The following EPM2A variants were observed in gnomAD, a reference collection of about 807,000 sequenced individuals.
EPM2A encodes the protein laforin.
In EPM2A, 21 loss-of-function variants were observed where a neutral mutation model predicts 26.5. That is an observed-to-expected ratio of 0.79 (90% CI 0.56 to 1.14). EPM2A has a LOEUF of 1.14. Ranked by LOEUF, EPM2A falls within the 50% of genes most tolerant of loss-of-function variation. The probability of loss-of-function intolerance (pLI) is 0.00; values close to 1 mark genes in which losing one functional copy is unlikely to be tolerated. For missense variants in EPM2A, 458 were observed against 440.8 expected, an observed-to-expected ratio of 1.04 and a Z score of -0.35; for synonymous variants, 217 against 177.6, an observed-to-expected ratio of 1.22 and a Z score of -1.76.
chr6:145,554,975 A>G (rs576421770), intron 2 of EPM2A, among the ~76,000 whole-genome samples: 1 of 152,208 alleles, frequency 6.6e-6, no homozygotes, highest in African/African-American at 2.4e-5. Context: ...GATTTGATGA[A>G]GACCACTCAC....
At chr6:145,536,704 G>A (rs1161509428) in intron 2 of EPM2A, among the ~76,000 whole-genome samples, 1 of 152,206 alleles carries the variant, frequency 6.6e-6, no homozygotes, top group Non-Finnish European at 1.5e-5. Context: ...TCTCCCCTGA[G>A]AGTGGGCAAG....
upstream of EPM2A, chr6:145,735,594 G>GT: frequency 9.2e-7 from 1 of 1,083,668 alleles, no homozygotes; most frequent in Non-Finnish European, 1.1e-6. Context: ...GGGCGGTGGT[G>GT]TGGGAGCCCC....
intron 2 of EPM2A, chr6:145,682,371 G>A (rs1215698896): frequency 6.6e-6 from 1 of 152,146 alleles, no homozygotes; most frequent in East Asian, 1.9e-4. Flanking sequence ...CGAGATTTGG[G>A]TCGGGACACA....
intron 2 of EPM2A, chr6:145,639,593 A>G (rs1350197925): frequency 6.6e-6 from 1 of 152,200 alleles, no homozygotes; most frequent in East Asian, 1.9e-4. Flanking sequence ...TCTTTTTTAA[A>G]TATCAGTAAA....
rs1051405169 is a variant in EPM2A, at chr6:145,627,251, C to T, written c.*165G>A. 2 of 1,526,264 alleles carry T rather than the reference C, an allele frequency of 1.3e-6. No individual in the cohort carries two copies. The allele number at this position is 1,526,264 out of a possible 1,614,324, so 94.5% of individuals were successfully genotyped here. A position where few individuals can be genotyped will look rare whatever the true frequency, so the allele number is the denominator to read the frequency against. Reference sequence around the variant, plus strand: ...TGTAGAGTATTTCAAAAATACAGCCCCAAAACAAAGCATAATCGAAAGTCA... The same window carrying T: ...TGTAGAGTATTTCAAAAATACAGCCTCAAAACAAAGCATAATCGAAAGTCA... On this transcript the variant is annotated 3_prime_UTR_variant, in exon 4 of 4. Coordinates refer to ENST00000367519, the MANE Select transcript of EPM2A (RefSeq NM_005670.4).
At chr6:145,490,602 T>C (rs1307486884) in intron 4 of EPM2A, 2 of 675,778 alleles carry the variant, frequency 3.0e-6, no homozygotes, top group Middle Eastern at 5.4e-4. Context: ...TTAGGTGCTG[T>C]TTCCATGTGC....
chr6:145,463,928 G>A (rs1489622207), intron 4 of EPM2A, among the ~76,000 whole-genome samples: 1 of 152,106 alleles, frequency 6.6e-6, no homozygotes, highest in African/African-American at 2.4e-5. Flanking sequence ...CACCTGGCAG[G>A]GGAAGGACCT....
intron 2 of EPM2A, among the ~76,000 whole-genome samples, chr6:145,512,691 A>G (rs1780071356): frequency 2.1e-5 from 3 of 141,278 alleles, no homozygotes; most frequent in Non-Finnish European, 3.0e-5. Flanking sequence ...AGCCCGGGCA[A>G]CAGAGCGAGA....
chr6:145,730,929 C>T (rs1404539692), intron 1 of EPM2A, among the ~76,000 whole-genome samples: 1 of 152,166 alleles, frequency 6.6e-6, no homozygotes, highest in Admixed American at 6.5e-5. Flanking sequence ...CCTTCAACCC[C>T]TTCCCATCAC....
intron 4 of EPM2A, among the ~76,000 whole-genome samples, chr6:145,392,026 G>A (rs1256134468): frequency 1.3e-5 from 2 of 152,088 alleles, no homozygotes; most frequent in Non-Finnish European, 2.9e-5. Flanking sequence ...ATAGCCTCTG[G>A]TCAGCCACCA....
Position 145,735,205 on chromosome 6 carries a change from G to A in EPM2A, c.294C>T (p.Ser98=). 1 of 1,523,606 alleles carries A rather than the reference G, an allele frequency of 6.6e-7. No homozygotes were observed. 94.4% of individuals were successfully genotyped at this position (1,523,606 alleles called of 1,614,324 possible). Residue 98 remains serine (S), a synonymous_variant, in exon 1 of 4, where the codon TCC becomes TCT. Transcript: ENST00000367519. The stretch of plus-strand genomic sequence containing the variant: ...GGCGTCTGCTGGCAATACCTTCCCA[G>A]GAGAGCTCTCCTCCCGGCTCCCGCT... ...FLKREPGGEL[S]WEGNGPHHDR...
chr6:145,626,919 C>A lies in EPM2A; in HGVS notation c.*497G>T. 1 of 1,002,104 alleles carries A rather than the reference C, an allele frequency of 1.0e-6. No individual in the cohort carries two copies. Among genetic ancestry groups the A allele is most frequent in the Non-Finnish European group, 1.2e-6 (1 of 838,950 alleles). 62.1% of individuals were successfully genotyped at this position (1,002,104 alleles called of 1,614,324 possible). On this transcript the variant is annotated 3_prime_UTR_variant, in exon 4 of 4. Coordinates refer to ENST00000367519, the MANE Select transcript of EPM2A (RefSeq NM_005670.4). ...AGTCCTGAAAGCCATCACTTTTTGA[C>A]CATAGTGAGCTCTTCTTTTGTAACG...
At chr6:145,716,903 T>G (rs1325762448) in intron 1 of EPM2A, among the ~76,000 whole-genome samples, 1 of 152,180 alleles carries the variant, frequency 6.6e-6, no homozygotes, top group Non-Finnish European at 1.5e-5. Context: ...TTTATTCCCA[T>G]AATTGCAACA....
At chr6:145,648,087 T>C (rs1232849688) in intron 2 of EPM2A, among the ~76,000 whole-genome samples, 2 of 152,228 alleles carry the variant, frequency 1.3e-5, no homozygotes, top group Non-Finnish European at 2.9e-5. Context: ...TGTGTTCTCA[T>C]AGATGGTCTA....
intron 2 of EPM2A, among the ~76,000 whole-genome samples, chr6:145,551,406 C>G (rs1780653937): frequency 6.6e-6 from 1 of 151,736 alleles, no homozygotes; most frequent in Non-Finnish European, 1.5e-5. Flanking sequence ...ACACAGGAAG[C>G]AGTAGAAAAA....
chr6:145,730,552 A>G (rs995768378), intron 1 of EPM2A, among the ~76,000 whole-genome samples: 1 of 152,230 alleles, frequency 6.6e-6, no homozygotes, highest in Non-Finnish European at 1.5e-5. Context: ...ATCTTGAGAA[A>G]ATAAAGCCAA....
chr6:145,550,552 T>A (rs1228123014), intron 2 of EPM2A, among the ~76,000 whole-genome samples: 1 of 151,938 alleles, frequency 6.6e-6, no homozygotes, highest in Admixed American at 6.6e-5. Context: ...ACTTTCAACC[T>A]CCAAATCAAG....
chr6:145,520,758 T>C (rs181195822), intron 2 of EPM2A, among the ~76,000 whole-genome samples: 3 of 151,406 alleles, frequency 2.0e-5, no homozygotes, highest in Admixed American at 1.3e-4. Flanking sequence ...CCAGGAAAAA[T>C]AGAACAAATT....
rs1016869202 is a variant in EPM2A at position 145,677,766 on chromosome 6, A to G, written c.476+8356T>C. Among the ~76,000 whole-genome samples, 5 of 152,222 alleles carry G rather than the reference A, an allele frequency of 3.3e-5. No individual in the cohort carries two copies. The East Asian group carries it at 7.7e-4, about 23-fold the overall frequency. On this transcript the variant is annotated intron_variant, in intron 2 of 3. Coordinates refer to ENST00000367519, the MANE Select transcript of EPM2A (RefSeq NM_005670.4). The stretch of plus-strand genomic sequence containing the variant: ...AAGGAGAACTACAAACCACTGCTCA[A>G]CAAAATAAAAGGGGACACAAACAAA...
Sources: gnomAD v4.1 joint callset for allele counts (sites outside exome capture counted in the v4.1 genomes callset) on GRCh38, gnomAD v4.1.1 for gene constraint, MANE v1.5 for transcripts, NCBI Gene and HGNC (gene_info 2026-07-23, HGNC 2026-07-21) for gene names.